CDC14B: variants seen among roughly 807,000 people sequenced by gnomAD.
CDC14B encodes dual specificity protein phosphatase CDC14B.
A neutral mutation model predicts 64.2 loss-of-function variants in CDC14B; 22 were observed. The observed-to-expected ratio is 0.34, with a 90% confidence interval of 0.24 to 0.49. The LOEUF is 0.49. Ranked by LOEUF, CDC14B falls within the 20% of genes least tolerant of loss-of-function variation. CDC14B has a pLI of 0.99. For missense variants in CDC14B, 498 were observed against 629.9 expected (o/e 0.79, Z 2.24); for synonymous variants, 191 against 215.8 (o/e 0.89, Z 1.01).
intron 1 of CDC14B, among the ~76,000 whole-genome samples, chr9:96,573,948 C>T (rs1391069567): frequency 6.6e-6 from 1 of 152,086 alleles, no homozygotes; most frequent in Admixed American, 6.5e-5. Flanking sequence ...GAGATGGAGA[C>T]CATCCTGGCT....
downstream of CDC14B, among the ~76,000 whole-genome samples, chr9:96,495,514 T>C (rs997107787): frequency 1.3e-5 from 2 of 151,608 alleles, no homozygotes; most frequent in African/African-American, 4.8e-5. Context: ...ACATGGATAC[T>C]GGCCACGGGT....
chr9:96,612,872 T>C (rs1443072965), intron 1 of CDC14B, among the ~76,000 whole-genome samples: 1 of 152,176 alleles, frequency 6.6e-6, no homozygotes, highest in African/African-American at 2.4e-5. Context: ...GAATAAAATA[T>C]CCGGAAAACT....
chr9:96,608,726 C>G (rs1847122072), intron 1 of CDC14B, among the ~76,000 whole-genome samples: 1 of 151,728 alleles, frequency 6.6e-6, no homozygotes, highest in Non-Finnish European at 1.5e-5. Flanking sequence ...TCTGGGATAG[C>G]AAGAGATCCA....
At chr9:96,578,686 AC>A (rs1844951271) in intron 1 of CDC14B, among the ~76,000 whole-genome samples, 1 of 152,244 alleles carries the variant, frequency 6.6e-6, no homozygotes, top group African/African-American at 2.4e-5. Flanking sequence ...ACTTTCACAG[AC>A]CTTAGGTGAC....
At chr9:96,592,068 G>T (rs1406596281) in intron 1 of CDC14B, among the ~76,000 whole-genome samples, 1 of 151,700 alleles carries the variant, frequency 6.6e-6, no homozygotes, top group African/African-American at 2.4e-5. Flanking sequence ...TTTCAGCAAT[G>T]TAAAACCTTA....
At chr9:96,593,672 G>A (rs1463264006) in intron 1 of CDC14B, among the ~76,000 whole-genome samples, 1 of 152,030 alleles carries the variant, frequency 6.6e-6, no homozygotes, top group Non-Finnish European at 1.5e-5. Flanking sequence ...GAGTTTGGGA[G>A]AAAGCTGGGA....
At chr9:96,573,152 T>A (rs909070106) in intron 1 of CDC14B, among the ~76,000 whole-genome samples, 3 of 151,894 alleles carry the variant, frequency 2.0e-5, no homozygotes, top group Non-Finnish European at 4.4e-5. Context: ...CTACTAAAAA[T>A]ACAAAAAATT....
intron 1 of CDC14B, among the ~76,000 whole-genome samples, chr9:96,589,372 T>A (rs1206697892): frequency 6.6e-6 from 1 of 151,984 alleles, no homozygotes; most frequent in African/African-American, 2.4e-5. Context: ...TAAGTATATT[T>A]GGTTTTTTGT....
rs560631802 is a variant in CDC14B at position 96,527,716 on chromosome 9, C to T, written c.947-3991G>A. Among the ~76,000 whole-genome samples the T allele has an allele frequency of 7.9e-5, 12 of 152,122 alleles. No individual in the cohort carries two copies. In the South Asian group the frequency reaches 1.0e-3, roughly 13 times the overall value. On this transcript the variant is annotated intron_variant, in intron 9 of 13. Coordinates refer to ENST00000375241, the MANE Select transcript of CDC14B (RefSeq NM_033331.4). ...CCGCAAGCTCCACCTCCCGGGTTCA[C>T]GCCCTTCTCCTGCCTCAGACTCCCG...
chr9:96,604,664 T>C (rs1846755689), intron 1 of CDC14B, among the ~76,000 whole-genome samples: 1 of 151,552 alleles, frequency 6.6e-6, no homozygotes, highest in South Asian at 2.1e-4. Flanking sequence ...GGCCTTTTTT[T>C]TTGCGGGGGG....
intron 7 of CDC14B, 83 bp from the exon 8 acceptor site, chr9:96,534,625 C>G: frequency 2.3e-6 from 2 of 876,300 alleles, no homozygotes; most frequent in Non-Finnish European, 3.7e-6. Context: ...CTCTGAAGGA[C>G]TTCAAACTCA....
At chr9:96,531,620 C>A (rs536148692) in intron 9 of CDC14B, among the ~76,000 whole-genome samples, 1 of 151,806 alleles carries the variant, frequency 6.6e-6, no homozygotes, top group South Asian at 2.1e-4. Context: ...GTTTTCTACT[C>A]TCTATTTTAT....
intron 1 of CDC14B, among the ~76,000 whole-genome samples, chr9:96,602,238 C>T (rs1486330637): frequency 6.6e-6 from 1 of 152,136 alleles, no homozygotes; most frequent in East Asian, 1.9e-4. Context: ...GCTCTTTTCC[C>T]TCTGCACAGG....
intron 1 of CDC14B, chr9:96,567,094 G>A (rs1844113028): frequency 1.3e-6 from 1 of 793,896 alleles, no homozygotes; most frequent in South Asian, 2.0e-5. Context: ...CTGGCCGCCC[G>A]CCTTCCTTCC....
chr9:96,499,939 C>A (rs938971977), downstream of CDC14B, among the ~76,000 whole-genome samples: 1 of 152,200 alleles, frequency 6.6e-6, no homozygotes, highest in Non-Finnish European at 1.5e-5. Context: ...GGACTTGCAG[C>A]CTCCAGAACT....
downstream of CDC14B, among the ~76,000 whole-genome samples, chr9:96,498,185 T>C (rs1361834145): frequency 2.0e-5 from 3 of 152,128 alleles, no homozygotes; most frequent in African/African-American, 7.2e-5. Flanking sequence ...AATGCACCCA[T>C]AGCTGCACTT....
At chr9:96,497,618 G>A (rs932478890), downstream of CDC14B, among the ~76,000 whole-genome samples, 13 of 152,226 alleles carry the variant, frequency 8.5e-5, no homozygotes, top group African/African-American at 2.9e-4. Flanking sequence ...AGCTGCTAAC[G>A]GGAGAGGAGC....
chr9:96,509,215 AAG>A (rs2131320023), intron 13 of CDC14B, among the ~76,000 whole-genome samples: 1 of 152,362 alleles, frequency 6.6e-6, no homozygotes, highest in African/African-American at 2.4e-5. Flanking sequence ...ACGACAGTGA[AAG>A]AACTAGTGCC....
intron 13 of CDC14B, among the ~76,000 whole-genome samples, chr9:96,504,478 C>T (rs1833865816): frequency 6.6e-6 from 1 of 152,226 alleles, no homozygotes; most frequent in South Asian, 2.1e-4. Context: ...CTGCTGCGCT[C>T]TTCAAGGAGA....
Sources: gnomAD v4.1 joint callset for allele counts (sites outside exome capture counted in the v4.1 genomes callset) on GRCh38, gnomAD v4.1.1 for gene constraint, MANE v1.5 for transcripts, NCBI Gene and HGNC (gene_info 2026-07-23, HGNC 2026-07-21) for gene names.